KANSL1: variants seen among roughly 807,000 people sequenced by gnomAD.
The protein encoded by KANSL1 is KAT8 regulatory NSL complex subunit 1.
In KANSL1, 22 loss-of-function variants were observed where a neutral mutation model predicts 103.6. That is an observed-to-expected ratio of 0.21 (90% CI 0.15 to 0.30). KANSL1 has a LOEUF of 0.30. Among genes scored for constraint, KANSL1 ranks in the 10% least tolerant of loss-of-function variants. KANSL1 has a pLI of 1.00. For synonymous variants in KANSL1, 600 were observed against 527.6 expected (o/e 1.14, Z -1.88); for missense variants, 1,337 against 1,399.8 (o/e 0.96, Z 0.72).
chr17:46,126,242 G>A (rs1024068240), intron 2 of KANSL1, among the ~76,000 whole-genome samples: 3 of 152,160 alleles, frequency 2.0e-5, no homozygotes, highest in African/African-American at 4.8e-5. Context: ...AGGAGTTCGA[G>A]ACCAGCCTGG....
chr17:46,213,989 C>CA (rs1208087497), intron 1 of KANSL1, among the ~76,000 whole-genome samples: 9 of 152,018 alleles, frequency 5.9e-5, no homozygotes, highest in Non-Finnish European at 1.3e-4. Flanking sequence ...GCCAAATATA[C>CA]TACCTGGCAC....
intron 7 of KANSL1, chr17:46,041,339 A>T (rs186016690): frequency 6.6e-5 from 10 of 152,072 alleles, no homozygotes; most frequent in African/African-American, 2.2e-4. Flanking sequence ...CAACTTTTAG[A>T]TTTTCCTTTT....
intron 2 of KANSL1, among the ~76,000 whole-genome samples, chr17:46,126,675 A>G (rs2043574295): frequency 6.6e-6 from 1 of 152,230 alleles, no homozygotes; most frequent in Non-Finnish European, 1.5e-5. Flanking sequence ...TAGGTCTTCC[A>G]GAACAGTTTC....
chr17:46,199,959 G>A (rs543302017), intron 1 of KANSL1, among the ~76,000 whole-genome samples: 1 of 152,136 alleles, frequency 6.6e-6, no homozygotes, highest in East Asian at 1.9e-4. Context: ...TTTAATAGCA[G>A]CTACCAGCAC....
intron 2 of KANSL1, among the ~76,000 whole-genome samples, chr17:46,140,919 C>T (rs992510706): frequency 2.6e-5 from 4 of 152,094 alleles, no homozygotes; most frequent in African/African-American, 7.2e-5. Flanking sequence ...AAATATCGCT[C>T]ATGGTAATAC....
At chr17:46,184,449 G>A (rs931352822) in intron 1 of KANSL1, among the ~76,000 whole-genome samples, 21 of 152,042 alleles carry the variant, frequency 1.4e-4, no homozygotes, top group Middle Eastern at 3.2e-3. Context: ...TTATTAGAAA[G>A]GGAAGAAAAA....
chr17:46,125,050 G>GGGAGGGA (rs1258394731), intron 2 of KANSL1, among the ~76,000 whole-genome samples: 371 of 70,930 alleles, frequency 5.2e-3, no homozygotes, highest in Non-Finnish European at 9.2e-3. Flanking sequence ...GGAGGGAGGA[G>GGGAGGGA]GGAGGGAGGA....
intron 7 of KANSL1, among the ~76,000 whole-genome samples, chr17:46,047,194 C>T (rs767069528): frequency 1.3e-5 from 2 of 152,122 alleles, no homozygotes; most frequent in Non-Finnish European, 2.9e-5. Flanking sequence ...CCAAAAATCC[C>T]GGTATCTACT....
intron 3 of KANSL1, among the ~76,000 whole-genome samples, chr17:46,085,454 A>T (rs1302581741): frequency 6.6e-6 from 1 of 152,094 alleles, no homozygotes; most frequent in East Asian, 1.9e-4. Context: ...AGCATTCATA[A>T]TCTTATGCCA....
Position 46,170,580 on chromosome 17 carries a change from C to T in KANSL1, c.1289+275G>A, listed in dbSNP as rs556714451. 7 of 465,670 alleles carry T rather than the reference C, an allele frequency of 1.5e-5. No homozygotes were observed. In the East Asian group the frequency reaches 1.7e-4, roughly 12 times the overall value. 28.8% of individuals were successfully genotyped at this position (465,670 alleles called of 1,614,324 possible). On this transcript the variant is annotated intron_variant, in intron 2 of 14. Transcript: ENST00000432791. The stretch of plus-strand genomic sequence containing the variant: ...ATTCACTCTTAAAGAGGTACTAGTA[C>T]AATTTTACACATAAGATGTCTCCTA...
chr17:46,190,996 G>A (rs938697342), intron 1 of KANSL1, among the ~76,000 whole-genome samples: 3 of 152,052 alleles, frequency 2.0e-5, no homozygotes, highest in Non-Finnish European at 2.9e-5. Context: ...TGGTAAATCA[G>A]GATCAATGCA....
At chr17:46,060,387 C>T (rs924114908) in intron 6 of KANSL1, among the ~76,000 whole-genome samples, 8 of 152,160 alleles carry the variant, frequency 5.3e-5, no homozygotes, top group African/African-American at 1.7e-4. Context: ...AGAAACAAAA[C>T]GTGTAAGCTT....
At chr17:46,136,019 T>C (rs1270074125) in intron 2 of KANSL1, among the ~76,000 whole-genome samples, 1 of 152,108 alleles carries the variant, frequency 6.6e-6, no homozygotes, top group African/African-American at 2.4e-5. Context: ...ACTGAGAAGG[T>C]ATCAAGTGTT....
intron 2 of KANSL1, among the ~76,000 whole-genome samples, chr17:46,140,306 C>A (rs1260988620): frequency 2.0e-5 from 3 of 152,140 alleles, no homozygotes; most frequent in African/African-American, 7.2e-5. Flanking sequence ...AAAAAAAGGT[C>A]TTTACAATAA....
At chr17:46,081,704 CT>C (rs1426056707) in intron 4 of KANSL1, among the ~76,000 whole-genome samples, 2 of 152,300 alleles carry the variant, frequency 1.3e-5, no homozygotes, top group East Asian at 3.9e-4. Context: ...GAACAGCTTG[CT>C]TAACTCACCA....
chr17:46,179,616 A>G (rs2046686617), intron 1 of KANSL1, among the ~76,000 whole-genome samples: 1 of 152,248 alleles, frequency 6.6e-6, no homozygotes, highest in East Asian at 1.9e-4. Flanking sequence ...GTGTCCATGA[A>G]GTTGCCGCAA....
intron 2 of KANSL1, among the ~76,000 whole-genome samples, chr17:46,112,451 G>A (rs573828991): frequency 1.2e-3 from 174 of 149,988 alleles, no homozygotes; most frequent in Non-Finnish European, 2.2e-3. Context: ...TTGGGAGGCT[G>A]AGGCGAGCGG....
intron 1 of KANSL1, among the ~76,000 whole-genome samples, chr17:46,182,841 G>T (rs1253019195): frequency 3.3e-5 from 5 of 152,230 alleles, no homozygotes; most frequent in Admixed American, 3.3e-4. Context: ...ACACTAGATA[G>T]TTTAAGGCTT....
intron 2 of KANSL1, among the ~76,000 whole-genome samples, chr17:46,125,116 G>GAGAGGGAGGGAGGGAA (rs2043493300): frequency 4.2e-5 from 5 of 120,052 alleles, no homozygotes; most frequent in African/African-American, 1.6e-4. Flanking sequence ...GAGGGAGGGA[G>GAGAGGGAGGGAGGGAA]GGAGGGAAAG....
Sources: allele counts gnomAD v4.1 joint callset (sites outside exome capture counted in the v4.1 genomes callset), GRCh38; gene constraint gnomAD v4.1.1; transcripts MANE v1.5; gene names NCBI Gene and HGNC (gene_info 2026-07-23, HGNC 2026-07-21).